The following SPATA9 variants were observed in gnomAD, a reference collection of about 807,000 sequenced individuals.
SPATA9 encodes spermatogenesis-associated protein 9.
A neutral mutation model predicts 25.5 loss-of-function variants in SPATA9; 27 were observed. That is an observed-to-expected ratio of 1.06 (90% CI 0.78 to 1.46). The LOEUF is 1.46. Ranked by LOEUF, SPATA9 falls within the 40% of genes most tolerant of loss-of-function variation. The pLI, the probability that SPATA9 is intolerant of heterozygous loss-of-function variation, is 0.00. For missense variants in SPATA9, 282 were observed against 297.5 expected, an observed-to-expected ratio of 0.95 and a Z score of 0.38; for synonymous variants, 102 against 105.7, an observed-to-expected ratio of 0.97 and a Z score of 0.21.
chr5:95,721,739 T>C, the SPATA9 span, among the ~76,000 whole-genome samples: 18 of 146,578 alleles, frequency 1.2e-4, no homozygotes, highest in Admixed American at 1.1e-3. Flanking sequence ...AGTAAGAATG[T>C]GTCCAAGGGA....
chr5:95,705,869 T>C, the SPATA9 span, among the ~76,000 whole-genome samples: 1 of 152,150 alleles, frequency 6.6e-6, no homozygotes, highest in African/African-American at 2.4e-5. Context: ...TTTCCATGGG[T>C]TTTTATTACT....
chr5:95,722,073 CA>C, the SPATA9 span, among the ~76,000 whole-genome samples: 109 of 152,190 alleles, frequency 7.2e-4, 2 homozygotes, highest in East Asian at 0.015. Context: ...CAGATGAGGT[CA>C]GGGGAAATGA....
the SPATA9 span, chr5:95,731,320 G>C: frequency 9.3e-7 from 1 of 1,076,876 alleles, no homozygotes; most frequent in South Asian, 4.4e-5. Context: ...AGAGGAGGAG[G>C]AGCAGCGGCA....
At position 95,658,614 on chromosome 5, in the gene SPATA9, T is replaced by TA. The variant is rs1750944001; in HGVS notation, c.*8dup. On this transcript the variant is annotated 3_prime_UTR_variant, in exon 5 of 5. Coordinates refer to ENST00000274432, the MANE Select transcript of SPATA9 (RefSeq NM_031952.4). ...ATAACTCTTAAGTTCTGTTCAGTGA[T>TA]ACCTGTATTCAGATTTGCTCATTCA... The TA allele has an allele frequency of 1.2e-6, 2 of 1,608,878 alleles. No individual in the cohort carries two copies. The highest frequency in any genetic ancestry group is 1.7e-6 in the Non-Finnish European group (2 of 1,177,480).
At chr5:95,684,967 A>T (rs1224627020), upstream of SPATA9, among the ~76,000 whole-genome samples, 1 of 152,216 alleles carries the variant, frequency 6.6e-6, no homozygotes, top group Non-Finnish European at 1.5e-5. Flanking sequence ...TGTTTTGCAC[A>T]CAGCTTTGAA....
upstream of SPATA9, among the ~76,000 whole-genome samples, chr5:95,685,980 G>A (rs1481854264): frequency 1.3e-5 from 2 of 152,114 alleles, no homozygotes; most frequent in East Asian, 3.9e-4. Flanking sequence ...GGGACTACAG[G>A]CACCCGCGAC....
At chr5:95,670,973 C>T in intron 3 of SPATA9, 1 of 871,648 alleles carries the variant, frequency 1.1e-6, no homozygotes, top group Non-Finnish European at 1.4e-6. Context: ...CTGTATACTC[C>T]CCACGTAAAG....
At position 95,658,912 on chromosome 5, in the gene SPATA9, G is replaced by C. The variant is rs752086093; in HGVS notation, c.476C>G (p.Ala159Gly). 1 of 1,585,308 alleles carries C rather than the reference G, an allele frequency of 6.3e-7. No individual in the cohort carries two copies. The highest frequency in any genetic ancestry group is 1.9e-5 in the Admixed American group (1 of 52,764). ...YASYAALIYLAVCVNAVLKKV... is the reference protein window; with the variant it reads ...YASYAALIYLGVCVNAVLKKV... The stretch of plus-strand genomic sequence containing the variant: ...CTTCAGCACAGCATTAACACAGACT[G>C]CCTATACAATAAAAAGAGTTTGTAA... Residue 159 changes from alanine (A) to glycine (G), a missense_variant and splice_region_variant, in exon 5 of 5, where the codon GCA (alanine) becomes GGA (glycine). Transcript: ENST00000274432.
At chr5:95,654,536 T>C (rs1237256288), downstream of SPATA9, among the ~76,000 whole-genome samples, 1 of 152,228 alleles carries the variant, frequency 6.6e-6, no homozygotes, top group African/African-American at 2.4e-5. Context: ...GCAATTATAC[T>C]CTATATCTAT....
At chr5:95,731,606 T>C in the SPATA9 span, 1 of 1,595,700 alleles carries the variant, frequency 6.3e-7, no homozygotes, top group South Asian at 1.1e-5. Flanking sequence ...GCGGGTGAAC[T>C]CGCCGCCCGG....
the SPATA9 span, among the ~76,000 whole-genome samples, chr5:95,713,047 A>G: frequency 6.6e-6 from 1 of 152,198 alleles, no homozygotes; most frequent in South Asian, 2.1e-4. Flanking sequence ...GTTTACATAT[A>G]TAGATTATGC....
the SPATA9 span, among the ~76,000 whole-genome samples, chr5:95,714,904 G>C: frequency 1.3e-5 from 2 of 152,132 alleles, no homozygotes; most frequent in Admixed American, 1.3e-4. Context: ...TTAAATAAGT[G>C]AAGAGATATA....
chr5:95,678,147 C>T (rs918421699), intron 2 of SPATA9, among the ~76,000 whole-genome samples: 11 of 152,154 alleles, frequency 7.2e-5, no homozygotes, highest in Non-Finnish European at 1.3e-4. Flanking sequence ...GAGGCCAAGG[C>T]GGGCAGATCA....
the SPATA9 span, among the ~76,000 whole-genome samples, chr5:95,718,977 G>A: frequency 1.2e-4 from 19 of 152,182 alleles, no homozygotes; most frequent in Non-Finnish European, 2.6e-4. Context: ...TGGAGCTGTT[G>A]TAGGCAGTGA....
chr5:95,693,652 T>C (rs1753942377), intron 1 of SPATA9, among the ~76,000 whole-genome samples: 1 of 152,218 alleles, frequency 6.6e-6, no homozygotes, highest in African/African-American at 2.4e-5. Flanking sequence ...TCTGCAACAC[T>C]TGAAAAAGTT....
At chr5:95,655,909 T>C (rs1750725374), downstream of SPATA9, 2 of 722,184 alleles carry the variant, frequency 2.8e-6, no homozygotes. Context: ...TGCTTTATGC[T>C]GAATAATTTG....
the SPATA9 span, among the ~76,000 whole-genome samples, chr5:95,720,369 G>A: frequency 6.6e-6 from 1 of 152,050 alleles, no homozygotes; most frequent in Non-Finnish European, 1.5e-5. Flanking sequence ...ATTATGATGG[G>A]GATCATTAGC....
At chr5:95,680,026 G>T (rs963310639) in intron 2 of SPATA9, among the ~76,000 whole-genome samples, 1 of 152,136 alleles carries the variant, frequency 6.6e-6, no homozygotes, top group Non-Finnish European at 1.5e-5. Context: ...GCCTCCCGAG[G>T]AGCTGGGACT....
chr5:95,700,229 A>T (rs1197152427), upstream of SPATA9, among the ~76,000 whole-genome samples: 3 of 152,132 alleles, frequency 2.0e-5, no homozygotes, highest in Non-Finnish European at 4.4e-5. Context: ...ATATTTTAAA[A>T]TTTTTATTTT....
Sources: gnomAD v4.1 joint callset for allele counts (sites outside exome capture counted in the v4.1 genomes callset) on GRCh38, gnomAD v4.1.1 for gene constraint, MANE v1.5 for transcripts, NCBI Gene and HGNC (gene_info 2026-07-23, HGNC 2026-07-21) for gene names.